The following CDC45 variants were observed in gnomAD, a reference collection of about 807,000 sequenced individuals.
The protein encoded by CDC45 is cell division cycle 45, also known as cell division control protein 45 homolog.
In CDC45, 54 loss-of-function variants were observed where a neutral mutation model predicts 77.8. The ratio of observed to expected loss-of-function variants is 0.69; its 90% CI spans 0.56 to 0.87. CDC45 has a LOEUF of 0.87. Ranked by LOEUF, CDC45 falls within the 40% of genes least tolerant of loss-of-function variation. The pLI, the probability that CDC45 is intolerant of heterozygous loss-of-function variation, is 0.00. For missense variants in CDC45, 649 were observed against 721.6 expected (o/e 0.90, Z 1.15); for synonymous variants, 260 against 272.1 (o/e 0.96, Z 0.44).
At chr22:19,496,078 C>A in intron 7 of CDC45, 49 bp downstream of exon 7, 1 of 1,243,352 alleles carries the variant, frequency 8.0e-7, no homozygotes, top group Non-Finnish European at 1.2e-6. Flanking sequence ...CTCCAGGGGT[C>A]AGTGTCCTCA....
intron 13 of CDC45, among the ~76,000 whole-genome samples, chr22:19,510,823 G>C (rs1349290512): frequency 6.6e-6 from 1 of 152,112 alleles, no homozygotes; most frequent in African/African-American, 2.4e-5. Context: ...CACCATGCCC[G>C]GCCAGTGTCT....
rs920874774 is a variant in CDC45 at position 19,520,555 on chromosome 22, T to A, written c.*76T>A. The A allele has an allele frequency of 6.6e-6, 1 of 152,228 alleles. No individual in the cohort carries two copies. Among genetic ancestry groups the A allele is most frequent in the African/African-American group, 2.4e-5 (1 of 41,458 alleles). 9.4% of individuals were successfully genotyped at this position (152,228 alleles called of 1,614,324 possible). On this transcript the variant is annotated 3_prime_UTR_variant, in exon 19 of 19. Transcript: ENST00000263201. This position sits in a 1 kb window ranked among gnomAD's most constrained non-coding sequence, Gnocchi z 4.5. ...TTAGATTGTAAGTTATGGACATGAT[T>A]TGAGATGTAGAAGCCATTTTTTATT... is the stretch of plus-strand genomic sequence containing the variant.
At chr22:19,486,291 A>G (rs1043632693) in intron 5 of CDC45, among the ~76,000 whole-genome samples, 7 of 152,366 alleles carry the variant, frequency 4.6e-5, no homozygotes, top group Non-Finnish European at 2.9e-5. Flanking sequence ...AATTAATAAT[A>G]TCCTAATATC....
chr22:19,482,575 C>A, intron 3 of CDC45, 115 bp from the exon 4 acceptor site: 1 of 1,147,758 alleles, frequency 8.7e-7, no homozygotes, highest in Non-Finnish European at 1.2e-6. Flanking sequence ...GCCACGTGGG[C>A]CTCGCCACAT....
intron 13 of CDC45, among the ~76,000 whole-genome samples, chr22:19,512,628 A>G (rs1296290352): frequency 2.0e-5 from 3 of 152,148 alleles, no homozygotes; most frequent in African/African-American, 4.8e-5. Flanking sequence ...TGCTATGACA[A>G]AGGAGCATTT....
chr22:19,517,025 C>T, intron 17 of CDC45, 132 bp downstream of exon 17: 7 of 742,234 alleles, frequency 9.4e-6, no homozygotes, highest in Non-Finnish European at 1.6e-5. Flanking sequence ...CAGATCTGGC[C>T]CTGGGACAGG....
intron 7 of CDC45, 82 bp downstream of exon 7, chr22:19,496,111 T>C (rs2090238103): frequency 2.1e-6 from 2 of 975,490 alleles, no homozygotes; most frequent in South Asian, 2.7e-5. Flanking sequence ...AAACGTAGAT[T>C]TTAGAGCCAC....
intron 5 of CDC45, among the ~76,000 whole-genome samples, chr22:19,485,742 A>G (rs552431904): frequency 6.6e-6 from 1 of 152,200 alleles, no homozygotes. Context: ...TTTGAAATGT[A>G]TACAGTGGTT....
At chr22:19,497,331 C>T in intron 7 of CDC45, 55 bp from the exon 8 acceptor site, 6 of 1,545,706 alleles carry the variant, frequency 3.9e-6, no homozygotes, top group Non-Finnish European at 8.9e-7. Flanking sequence ...GCTGCATGGC[C>T]CAGCCCCAGC....
chr22:19,496,170 TG>T (rs1308652398), intron 7 of CDC45, 141 bp downstream of exon 7: 2 of 653,826 alleles, frequency 3.1e-6, no homozygotes, highest in Non-Finnish European at 5.4e-6. Flanking sequence ...TGTGTGACCT[TG>T]GGCAGGTGTT....
chr22:19,505,258 G>T, intron 9 of CDC45, 104 bp from the exon 10 acceptor site: 1 of 1,353,022 alleles, frequency 7.4e-7, no homozygotes, highest in South Asian at 1.3e-5. Context: ...CCTGTGGTGA[G>T]CAGGCCCCTG....
intron 13 of CDC45, among the ~76,000 whole-genome samples, chr22:19,511,642 A>G (rs1209304944): frequency 2.6e-5 from 4 of 152,222 alleles, no homozygotes; most frequent in Middle Eastern, 3.4e-3. Context: ...AAACTTTTAT[A>G]TATTCTACAT....
chr22:19,509,010 T>C (rs559430893), intron 13 of CDC45, among the ~76,000 whole-genome samples: 10 of 152,376 alleles, frequency 6.6e-5, no homozygotes, highest in African/African-American at 1.2e-4. Context: ...TTTAATCTTA[T>C]AGTTGTCATT....
chr22:19,515,923 T>TCCTGGGACA (rs1404699674), intron 15 of CDC45, among the ~76,000 whole-genome samples: 2 of 152,158 alleles, frequency 1.3e-5, no homozygotes, highest in Non-Finnish European at 2.9e-5. Context: ...TGACTGCCCA[T>TCCTGGGACA]CCTGGTGCAC....
chr22:19,501,806 C>T (rs1188386414), intron 9 of CDC45, among the ~76,000 whole-genome samples: 1 of 152,142 alleles, frequency 6.6e-6, no homozygotes, highest in East Asian at 1.9e-4. Context: ...CTTTGACCTC[C>T]TGGGATCAAG....
At chr22:19,518,755 T>C (rs1175061144) in intron 17 of CDC45, 89 bp from the exon 18 acceptor site, 7 of 1,020,200 alleles carry the variant, frequency 6.9e-6, no homozygotes, top group Non-Finnish European at 9.4e-6. Context: ...TGGAATGCAG[T>C]GGAGGGCAGG....
intron 13 of CDC45, among the ~76,000 whole-genome samples, chr22:19,512,506 G>A (rs1430590940): frequency 1.3e-5 from 2 of 152,038 alleles, no homozygotes; most frequent in Non-Finnish European, 2.9e-5. Flanking sequence ...TTGCAATCTA[G>A]TTGCTCTACT....
At position 19,503,007 on chromosome 22, in the gene CDC45, T is replaced by TA. The variant is rs60261121; in HGVS notation, c.705-2345dup. 1.4e-4 allele frequency among the ~76,000 whole-genome samples: 21 copies of TA among 148,890 alleles called. No individual in the cohort carries two copies. In the South Asian group the frequency reaches 3.2e-3, roughly 23 times the overall value. On this transcript the variant is annotated intron_variant, in intron 9 of 18. Transcript: ENST00000263201. ...AACATAGAACCCCTCTCTATAAAAATAAAAAAAAAATCAGCTGGGCATGGT... is the reference window on the plus strand; with the variant it reads ...AACATAGAACCCCTCTCTATAAAAATAAAAAAAAAAATCAGCTGGGCATGGT...
chr22:19,506,526 A>G (rs1933183734), intron 10 of CDC45, among the ~76,000 whole-genome samples: 1 of 152,104 alleles, frequency 6.6e-6, no homozygotes, highest in African/African-American at 2.4e-5. Flanking sequence ...GAGCATGCCG[A>G]GGAAGCAGGC....
Sources: gnomAD v4.1 joint callset for allele counts (sites outside exome capture counted in the v4.1 genomes callset) on GRCh38, gnomAD v4.1.1 for gene constraint, Gnocchi (gnomAD v3.1) non-coding constraint, MANE v1.5 for transcripts, NCBI Gene and HGNC (gene_info 2026-07-23, HGNC 2026-07-21) for gene names.